The following ENG variants were observed in gnomAD, a reference collection of about 807,000 sequenced individuals.
ENG encodes CD105 antigen.
In ENG, 17 loss-of-function variants were observed where a neutral mutation model predicts 71.0. That is an observed-to-expected ratio of 0.24 (90% CI 0.16 to 0.36). The LOEUF is 0.36. Among genes scored for constraint, ENG ranks in the 10% least tolerant of loss-of-function variants. The pLI is 1.00. For synonymous variants in ENG, 360 were observed against 366.9 expected (o/e 0.98, Z 0.21); for missense variants, 749 against 868.3 (o/e 0.86, Z 1.73).
chr9:127,844,974 G>A (rs1270316935), intron 1 of ENG, among the ~76,000 whole-genome samples: 1 of 152,222 alleles, frequency 6.6e-6, no homozygotes, highest in Non-Finnish European at 1.5e-5. Flanking sequence ...GGAAACACAG[G>A]TCCTGAGGGA....
chr9:127,824,455 T>C lies in ENG; in HGVS notation c.992-9A>G, dbSNP rs1314210775. The C allele has an allele frequency of 6.2e-7, 1 of 1,610,008 alleles. No individual in the cohort carries two copies. Among genetic ancestry groups the C allele is most frequent in the Non-Finnish European group, 8.5e-7 (1 of 1,178,700 alleles). ...GGTCTGCAGCCTACCACCTGTGGGG[T>C]AGCAGAGGCAGGCCAGGCGGCTGGT... is the stretch of plus-strand genomic sequence containing the variant. On this transcript the variant is annotated splice_polypyrimidine_tract_variant and intron_variant, in intron 7 of 14. Transcript: ENST00000373203.
At chr9:127,825,963 G>C (rs933866633) in intron 4 of ENG, 103 bp from the exon 5 acceptor site, 1 of 1,460,778 alleles carries the variant, frequency 6.8e-7, no homozygotes, top group African/African-American at 1.4e-5. Context: ...CAGGCAGGAC[G>C]GTGCTGCAGA....
At chr9:127,844,466 C>T (rs1438235613) in intron 1 of ENG, among the ~76,000 whole-genome samples, 2 of 150,100 alleles carry the variant, frequency 1.3e-5, no homozygotes, top group African/African-American at 4.9e-5. Context: ...CTCTGTTGCT[C>T]AGGCTGGAGT....
At chr9:127,848,879 G>T (rs1164891390) in intron 1 of ENG, among the ~76,000 whole-genome samples, 1 of 152,228 alleles carries the variant, frequency 6.6e-6, no homozygotes, top group Admixed American at 6.5e-5. Flanking sequence ...GAATCAGTAT[G>T]TCAGTATGTT....
At chr9:127,853,309 T>A (rs894123423) in intron 1 of ENG, among the ~76,000 whole-genome samples, 5 of 151,984 alleles carry the variant, frequency 3.3e-5, no homozygotes, top group African/African-American at 1.2e-4. Flanking sequence ...TTCCCCTTCC[T>A]CCCCACACTC....
chr9:127,824,561 C>T (rs1830556242), intron 7 of ENG, 115 bp from the exon 8 acceptor site: 23 of 1,338,262 alleles, frequency 1.7e-5, no homozygotes, highest in South Asian at 1.2e-4. Flanking sequence ...CTCTGTTACC[C>T]GGGCTGGAGT....
chr9:127,826,961 A>G, intron 3 of ENG: 1 of 441,790 alleles, frequency 2.3e-6, no homozygotes, highest in Admixed American at 3.4e-5. Context: ...ACCCACATCT[A>G]CGCCATCCTG....
chr9:127,826,728 C>T (rs1830627195), intron 3 of ENG, 56 bp from the exon 4 acceptor site: 1 of 1,602,950 alleles, frequency 6.2e-7, no homozygotes, highest in Non-Finnish European at 8.5e-7. Context: ...CCCTCTCTAT[C>T]CCATGTAGGA....
At chr9:127,825,111 C>T (rs925369469) in intron 6 of ENG, 120 bp downstream of exon 6, 20 of 1,597,056 alleles carry the variant, frequency 1.3e-5, no homozygotes, top group Admixed American at 5.1e-5. Flanking sequence ...CCTTCCCTCA[C>T]GTATGGGCAT....
intron 9 of ENG, 80 bp downstream of exon 9, chr9:127,819,820 C>T (rs1343824367): frequency 2.7e-5 from 43 of 1,612,852 alleles, no homozygotes; most frequent in Non-Finnish European, 3.6e-5. Context: ...AAACACACCT[C>T]CACCCTGGGG....
In ENG at chr9:127,815,515, G is replaced by T; in HGVS notation, c.*167C>A. ...GGACCCCAAGGTGTTCCAAGCCAGT[G>T]GCTGCACTGGCAGCAGGCCTCTGAG... On this transcript the variant is annotated 3_prime_UTR_variant, in exon 15 of 15. Transcript: ENST00000373203. The T allele has an allele frequency of 7.5e-7, 1 of 1,340,324 alleles. No individual in the cohort carries two copies. The highest frequency in any genetic ancestry group is 9.9e-7 in the Non-Finnish European group (1 of 1,010,770). 83.0% of individuals were successfully genotyped at this position (1,340,324 alleles called of 1,614,324 possible).
At chr9:127,828,378 G>C (rs1268086039) in intron 3 of ENG, among the ~76,000 whole-genome samples, 2 of 152,218 alleles carry the variant, frequency 1.3e-5, no homozygotes, top group Non-Finnish European at 2.9e-5. Flanking sequence ...CCTGGCACTG[G>C]GTCGGCCACC....
chr9:127,824,512 CTTT>C (rs71380096), intron 7 of ENG, 66 bp from the exon 8 acceptor site: 15,429 of 671,782 alleles, frequency 0.023, no homozygotes, highest in Middle Eastern at 0.027. Flanking sequence ...CCGCACCAGG[CTTT>C]TTTTTTTTTT....
chr9:127,817,816 A>C, intron 12 of ENG: 2 of 519,210 alleles, frequency 3.9e-6, no homozygotes, highest in Non-Finnish European at 7.0e-6. Flanking sequence ...GCGGGTGGTT[A>C]GATTCCTGGG....
At chr9:127,847,362 C>T (rs1474727255) in intron 1 of ENG, among the ~76,000 whole-genome samples, 4 of 152,078 alleles carry the variant, frequency 2.6e-5, no homozygotes, top group African/African-American at 9.7e-5. Context: ...TGGGGTAACC[C>T]CTGTTGAGTG....
intron 3 of ENG, among the ~76,000 whole-genome samples, chr9:127,828,645 A>C (rs1484174681): frequency 1.3e-5 from 2 of 152,096 alleles, no homozygotes; most frequent in Non-Finnish European, 2.9e-5. Flanking sequence ...CGGCCGAGGG[A>C]TGGGCTGCAA....
chr9:127,847,894 C>G (rs139954085), intron 1 of ENG, among the ~76,000 whole-genome samples: 26 of 152,286 alleles, frequency 1.7e-4, no homozygotes, highest in East Asian at 3.9e-4. Context: ...CGGGCTCCCC[C>G]CTGGTTCTAC....
chr9:127,849,301 C>T (rs989091616), intron 1 of ENG, among the ~76,000 whole-genome samples: 1 of 152,208 alleles, frequency 6.6e-6, no homozygotes, highest in Non-Finnish European at 1.5e-5. Context: ...TTGAATCGCA[C>T]CCTTCTGTAG....
chr9:127,828,019 CAAA>C (rs997493323), intron 3 of ENG, among the ~76,000 whole-genome samples: 252 of 31,156 alleles, frequency 8.1e-3, no homozygotes, highest in African/African-American at 0.032. Context: ...AACTCCATCT[CAAA>C]AAAAAAAAAA....
Sources: gnomAD v4.1 joint callset for allele counts (sites outside exome capture counted in the v4.1 genomes callset) on GRCh38, gnomAD v4.1.1 for gene constraint, MANE v1.5 for transcripts, NCBI Gene and HGNC (gene_info 2026-07-23, HGNC 2026-07-21) for gene names.